TBC1D2: variants seen among roughly 807,000 people sequenced by gnomAD.
TBC1D2 encodes the protein TBC1 domain family member 2.
TBC1D2 carries 58 observed loss-of-function variants against 91.1 expected under a neutral mutation model. That is an observed-to-expected ratio of 0.64 (90% CI 0.52 to 0.79). The LOEUF (loss-of-function observed/expected upper bound fraction) is 0.79. Ranked by LOEUF, TBC1D2 falls within the 30% of genes least tolerant of loss-of-function variation. TBC1D2 has a pLI of 0.00. For synonymous variants in TBC1D2, 482 were observed against 511.5 expected, an observed-to-expected ratio of 0.94 and a Z score of 0.78; for missense variants, 1,080 against 1,208.3, an observed-to-expected ratio of 0.89 and a Z score of 1.57.
chr9:98,232,907 T>C (rs1004606926), intron 4 of TBC1D2, among the ~76,000 whole-genome samples: 5 of 152,188 alleles, frequency 3.3e-5, no homozygotes, highest in Admixed American at 3.3e-4. Flanking sequence ...AACCTCTGCC[T>C]CCCAGGTTCA....
At chr9:98,243,145 A>T (rs1829687243) in intron 3 of TBC1D2, among the ~76,000 whole-genome samples, 1 of 151,686 alleles carries the variant, frequency 6.6e-6, no homozygotes, top group Non-Finnish European at 1.5e-5. Flanking sequence ...TATATATATA[A>T]TATATTATTA....
chr9:98,235,080 T>G (rs932624859), intron 3 of TBC1D2: 1 of 212,992 alleles, frequency 4.7e-6, no homozygotes, highest in African/African-American at 2.3e-5. Context: ...GGCGCATGCC[T>G]GTAGTCCCAG....
At chr9:98,208,580 CAG>C in intron 9 of TBC1D2, 86 bp downstream of exon 9, 1 of 1,379,434 alleles carries the variant, frequency 7.2e-7, no homozygotes, top group Non-Finnish European at 9.9e-7. Context: ...TAACAGGCCA[CAG>C]ATGGCTGCCT....
At chr9:98,252,946 C>T (rs987570886) in intron 1 of TBC1D2, among the ~76,000 whole-genome samples, 2 of 152,146 alleles carry the variant, frequency 1.3e-5, no homozygotes, top group African/African-American at 4.8e-5. Context: ...CAGGCTGTCA[C>T]ACAGGTATCA....
rs769343774 is a variant in TBC1D2, at chr9:98,208,663, C to T, written c.2150+5G>A. ...TCACACCTTCACTGGGCTTTGGTGGCTTACCTGTTCAGGCCCTGGCAGTAG... is the reference window on the plus strand; with the variant it reads ...TCACACCTTCACTGGGCTTTGGTGGTTTACCTGTTCAGGCCCTGGCAGTAG... On this transcript the variant is annotated splice_donor_5th_base_variant and intron_variant, in intron 9 of 12. Coordinates refer to ENST00000465784, the MANE Select transcript of TBC1D2 (RefSeq NM_001267571.2). The T allele has an allele frequency of 1.4e-5, 21 of 1,516,766 alleles. No individual in the cohort carries two copies. The highest frequency in any genetic ancestry group is 1.7e-5 in the Non-Finnish European group (19 of 1,131,530). The allele number at this position is 1,516,766 out of a possible 1,614,324, so 94.0% of individuals were successfully genotyped here.
intron 4 of TBC1D2, among the ~76,000 whole-genome samples, chr9:98,230,587 A>C (rs1030623896): frequency 5.3e-5 from 8 of 152,176 alleles, no homozygotes; most frequent in African/African-American, 1.9e-4. Context: ...GTCTTGAACA[A>C]ATAAAGAGTT....
intron 2 of TBC1D2, among the ~76,000 whole-genome samples, chr9:98,248,737 TG>T (rs1829814632): frequency 6.6e-6 from 1 of 152,210 alleles, no homozygotes; most frequent in Admixed American, 6.5e-5. Context: ...TGTAAAGTGT[TG>T]GGGCAGCAGG....
At chr9:98,209,756 T>TTCCCTTCCTTCCTTCC (rs369507489) in intron 8 of TBC1D2, among the ~76,000 whole-genome samples, 51 of 105,580 alleles carry the variant, frequency 4.8e-4, no homozygotes, top group African/African-American at 1.6e-3. Flanking sequence ...CCTTCCTTCC[T>TTCCCTTCCTTCCTTCC]TTCCTTCCTT....
At chr9:98,250,358 C>T (rs1188390146) in intron 2 of TBC1D2, among the ~76,000 whole-genome samples, 2 of 152,058 alleles carry the variant, frequency 1.3e-5, no homozygotes, top group Admixed American at 6.6e-5. Flanking sequence ...AGAAAGCTCA[C>T]TCAGGCTGCA....
At chr9:98,242,872 G>A (rs1829680000) in intron 3 of TBC1D2, among the ~76,000 whole-genome samples, 1 of 140,156 alleles carries the variant, frequency 7.1e-6, no homozygotes, top group Non-Finnish European at 1.5e-5. Flanking sequence ...GGATGAAGTG[G>A]TATGATCATG....
chr9:98,236,490 T>C (rs1354230023), intron 3 of TBC1D2, among the ~76,000 whole-genome samples: 1 of 152,198 alleles, frequency 6.6e-6, no homozygotes, highest in East Asian at 1.9e-4. Context: ...CCCAAAGTTC[T>C]GGGATTACAG....
rs778594169 is a variant in TBC1D2 at position 98,255,503 on chromosome 9, G to A, written c.39C>T (p.Ser13=). 2 of 1,549,380 alleles carry A rather than the reference G, an allele frequency of 1.3e-6. No individual in the cohort carries two copies. The highest frequency in any genetic ancestry group is 2.3e-5 in the East Asian group (1 of 44,296). Residue 13 remains serine, a synonymous_variant, in exon 1 of 13, where the codon TCC becomes TCT. Transcript: ENST00000465784. The part of the protein sequence containing the change: ...GAGENAPESS[S]SAPGSEESAR... ...CAGACTCTTCGGACCCAGGGGCAGA[G>A]GAGCTGGACTCCGGGGCGTTCTCCC... is the stretch of plus-strand genomic sequence containing the variant.
intron 2 of TBC1D2, among the ~76,000 whole-genome samples, chr9:98,245,964 G>A (rs938514635): frequency 1.3e-5 from 2 of 152,170 alleles, no homozygotes; most frequent in Non-Finnish European, 1.5e-5. Flanking sequence ...AGGATTACAG[G>A]TTCTTTTTCT....
rs200421259 is a variant in TBC1D2, at chr9:98,203,323, C to A, written c.2236G>T (p.Ala746Ser). The change falls in exon 10 of 13, where the codon GCT (alanine) becomes TCT (serine). Residue 746 changes from alanine to serine, a missense_variant. Physicochemically the swap from Ala to Ser is moderately conservative, Grantham distance 99. Transcript: ENST00000465784. ...LVAIVETIMPADYYCNTLTAS... is the reference protein window; with the variant it reads ...LVAIVETIMPSDYYCNTLTAS... ...GTCAGCGTGTTGCAGTAGTAATCAGCGGGCATGATGGTCTCCACAATGGCC... is the reference window on the plus strand; with the variant it reads ...GTCAGCGTGTTGCAGTAGTAATCAGAGGGCATGATGGTCTCCACAATGGCC... 3.7e-6 allele frequency: 6 copies of A among 1,614,246 alleles called. No homozygotes were observed. The highest frequency in any genetic ancestry group is 5.1e-6 in the Non-Finnish European group (6 of 1,180,044).
chr9:98,228,826 G>T lies in TBC1D2; in HGVS notation c.978+126C>A. 1.2e-6 allele frequency: 1 copy of T among 868,874 alleles called. No homozygotes were observed. The highest frequency in any genetic ancestry group is 1.8e-6 in the Non-Finnish European group (1 of 558,710). 53.8% of individuals were successfully genotyped at this position (868,874 alleles called of 1,614,324 possible). ...GCATATTTCAACATTCTGCAGTTTG[G>T]CCTTTAAAGACCAGAGAGTAGCTGG... On this transcript the variant is annotated intron_variant, in intron 5 of 12. Transcript: ENST00000465784. The surrounding 1 kb of genome is among the most constrained non-coding windows in gnomAD (Gnocchi z 4.0).
chr9:98,199,639 G>A (rs748648429), intron 12 of TBC1D2, 51 bp from the exon 13 acceptor site: 12 of 1,594,010 alleles, frequency 7.5e-6, no homozygotes, highest in Admixed American at 3.3e-5. Flanking sequence ...CCTGGCCGGC[G>A]TTTACCCGGC....
intron 3 of TBC1D2, among the ~76,000 whole-genome samples, chr9:98,242,453 A>G (rs536434876): frequency 3.9e-5 from 6 of 151,994 alleles, no homozygotes; most frequent in African/African-American, 7.2e-5. Context: ...AAAAAAAAAA[A>G]AAAAGAAAAG....
intron 1 of TBC1D2, 117 bp from the exon 2 acceptor site, chr9:98,252,043 A>G (rs1829884980): frequency 1.5e-6 from 2 of 1,321,064 alleles, no homozygotes; most frequent in East Asian, 5.2e-5. Context: ...GAAAAAAAAA[A>G]GGGGGTCACT....
intron 6 of TBC1D2, among the ~76,000 whole-genome samples, chr9:98,213,944 G>A (rs1828912514): frequency 6.6e-6 from 1 of 152,248 alleles, no homozygotes; most frequent in Non-Finnish European, 1.5e-5. Flanking sequence ...CATACAAGGA[G>A]AAGCCAGACA....
Sources: gnomAD v4.1 joint callset for allele counts (sites outside exome capture counted in the v4.1 genomes callset) on GRCh38, gnomAD v4.1.1 for gene constraint, Gnocchi (gnomAD v3.1) non-coding constraint, MANE v1.5 for transcripts, NCBI Gene and HGNC (gene_info 2026-07-23, HGNC 2026-07-21) for gene names.